RYR2: variants seen among roughly 807,000 people sequenced by gnomAD.
RYR2 encodes cardiac muscle ryanodine receptor-calcium release channel.
RYR2 carries 227 observed loss-of-function variants against 601.1 expected under a neutral mutation model. That is an observed-to-expected ratio of 0.38 (90% CI 0.34 to 0.42). The LOEUF (loss-of-function observed/expected upper bound fraction) is 0.42, where lower values mean the gene tolerates loss of function less well. Ranked by LOEUF, RYR2 falls within the 10% of genes least tolerant of loss-of-function variation. The pLI is 1.00. For synonymous variants in RYR2, 2,223 were observed against 2,175.1 expected, an observed-to-expected ratio of 1.02 and a Z score of -0.61; for missense variants, 4,646 against 6,156.5, an observed-to-expected ratio of 0.75 and a Z score of 8.21.
intron 79 of RYR2, among the ~76,000 whole-genome samples, chr1:237,737,788 T>C (rs1691277512): frequency 1.3e-5 from 2 of 152,202 alleles, no homozygotes; most frequent in Admixed American, 1.3e-4. Flanking sequence ...TTTCAATCCA[T>C]CTAAACATAC....
At position 237,469,153 on chromosome 1, in the gene RYR2, G is replaced by A. The variant is rs1324895345; in HGVS notation, c.1674G>A (p.Leu558=). 4.4e-6 allele frequency: 7 copies of A among 1,603,758 alleles called. No individual in the cohort carries two copies. The African/African-American group carries it at 8.1e-5, about 19-fold the overall frequency. Residue 558 remains leucine, a synonymous_variant, in exon 17 of 105, where the codon TTG becomes TTA. Coordinates refer to ENST00000366574, the MANE Select transcript of RYR2 (RefSeq NM_001035.3). ...CAQFSGSLDW[L]ISRLERLEAS... Reference sequence around the variant, plus strand: ...AATTTTCTGGCTCCCTCGACTGGTTGATCAGCAGATTGGAAAGACTGGAAG... The same window carrying A: ...AATTTTCTGGCTCCCTCGACTGGTTAATCAGCAGATTGGAAAGACTGGAAG...
chr1:237,410,827 A>G (rs1483037838), intron 10 of RYR2, among the ~76,000 whole-genome samples: 1 of 152,198 alleles, frequency 6.6e-6, no homozygotes, highest in African/African-American at 2.4e-5. Flanking sequence ...AGGTGACTTC[A>G]GAAGAGGATT....
chr1:237,495,035 C>T (rs1006131357), intron 19 of RYR2, among the ~76,000 whole-genome samples: 5 of 152,164 alleles, frequency 3.3e-5, no homozygotes, highest in African/African-American at 9.6e-5. Flanking sequence ...GTGATCCGCC[C>T]GCCTTAGCCT....
intron 2 of RYR2, among the ~76,000 whole-genome samples, chr1:237,281,799 T>C (rs12046077): frequency 0.3 from 45,541 of 152,068 alleles, 7,422 homozygotes; most frequent in East Asian, 0.72. Context: ...AGAATAGGGA[T>C]TGTGGTTTTG....
rs540538447 is a variant in RYR2, at chr1:237,536,885, C to CAAAAAAAAAAAAA, written c.2906+6385_2906+6386insAAAAAAAAAAAAA. ...TGGGCGACAGAGCGAGACTCCATCT[C>CAAAAAAAAAAAAA]AAAAAAAAAAGACTTGCAGAACAAT... On this transcript the variant is annotated intron_variant, in intron 25 of 104. Coordinates refer to ENST00000366574, the MANE Select transcript of RYR2 (RefSeq NM_001035.3). 1.3e-3 allele frequency among the ~76,000 whole-genome samples: 184 copies of CAAAAAAAAAAAAA among 139,470 alleles called. 1 individual carries two copies. Among genetic ancestry groups the CAAAAAAAAAAAAA allele is most frequent in the African/African-American group, 4.7e-3 (174 of 37,234 alleles). 91.5% of individuals were successfully genotyped at this position (139,470 alleles called of 152,430 possible).
chr1:237,574,074 C>T lies in RYR2; in HGVS notation c.3598+4755C>T, dbSNP rs371397098. On this transcript the variant is annotated intron_variant, in intron 29 of 104. Coordinates refer to ENST00000366574, the MANE Select transcript of RYR2 (RefSeq NM_001035.3). ...CACTAGAATTTCAGGGTTTAAAGGC[C>T]GCATTGTCTATGTGGCAGATCCTCT... Among the ~76,000 whole-genome samples the T allele has an allele frequency of 1.8e-4, 27 of 152,216 alleles. No individual in the cohort carries two copies. The East Asian group carries it at 2.3e-3, about 13-fold the overall frequency.
intron 56 of RYR2, among the ~76,000 whole-genome samples, chr1:237,663,054 AG>A (rs1683953965): frequency 6.6e-6 from 1 of 152,236 alleles, no homozygotes; most frequent in Non-Finnish European, 1.5e-5. Flanking sequence ...TTTGGCCTGT[AG>A]GTGGGAAAGA....
rs1558427813 is a variant in RYR2, at chr1:237,208,956, A to ACATATATATATATATG, written c.49-61541_49-61540insCATATATATATATATG. Among the ~76,000 whole-genome samples, 141 of 98,036 alleles carry ACATATATATATATATG rather than the reference A, an allele frequency of 1.4e-3. 3 individuals are homozygous for ACATATATATATATATG. The highest frequency in any genetic ancestry group is 4.7e-3 in the African/African-American group (137 of 28,932). 64.3% of individuals were successfully genotyped at this position (98,036 alleles called of 152,430 possible). A position where few individuals can be genotyped will look rare whatever the true frequency, so the allele number is the denominator to read the frequency against. ...TGTGTGTATATATATATATATATAT[A>ACATATATATATATATG]TATATATATATATATATATATATAT... is the stretch of plus-strand genomic sequence containing the variant. On this transcript the variant is annotated intron_variant, in intron 1 of 104. Coordinates refer to ENST00000366574, the MANE Select transcript of RYR2 (RefSeq NM_001035.3).
At chr1:237,217,639 G>A (rs1486032111) in intron 1 of RYR2, among the ~76,000 whole-genome samples, 4 of 152,154 alleles carry the variant, frequency 2.6e-5, no homozygotes, top group Admixed American at 2.0e-4. Context: ...CATGTCAGCG[G>A]TGGTGGTGAT....
chr1:237,606,956 A>G (rs1300393867), intron 35 of RYR2, among the ~76,000 whole-genome samples: 1 of 152,218 alleles, frequency 6.6e-6, no homozygotes, highest in Non-Finnish European at 1.5e-5. Context: ...AGAAATAGGA[A>G]CACTTTCACA....
chr1:237,541,722 A>G (rs946506808), intron 25 of RYR2, among the ~76,000 whole-genome samples: 7 of 152,134 alleles, frequency 4.6e-5, no homozygotes, highest in African/African-American at 1.7e-4. Flanking sequence ...ATTTGGGTAG[A>G]TAAAGGAAAA....
In RYR2 at chr1:237,608,457, C is replaced by A. The variant is rs566026233; in HGVS notation, c.4684-2305C>A. 3.3e-5 allele frequency among the ~76,000 whole-genome samples: 5 copies of A among 152,230 alleles called. No homozygotes were observed. The South Asian group carries it at 1.0e-3, about 32-fold the overall frequency. On this transcript the variant is annotated intron_variant, in intron 35 of 104. Coordinates refer to ENST00000366574, the MANE Select transcript of RYR2 (RefSeq NM_001035.3). ...GTGGCTCATGCTTGTAATCCCAGCA[C>A]TTTGGGAGGAAGGAGGAATCACTTG... is the stretch of plus-strand genomic sequence containing the variant.
intron 19 of RYR2, among the ~76,000 whole-genome samples, chr1:237,495,068 T>A (rs553946218): frequency 6.6e-6 from 1 of 152,142 alleles, no homozygotes; most frequent in African/African-American, 2.4e-5. Flanking sequence ...GGATTACAGG[T>A]GTGAGCCACT....
chr1:237,399,518 G>A (rs946995652), intron 10 of RYR2, among the ~76,000 whole-genome samples: 2 of 152,146 alleles, frequency 1.3e-5, no homozygotes, highest in African/African-American at 2.4e-5. Flanking sequence ...TGAGTGCCAT[G>A]AAGTAAAACC....
chr1:237,519,579 A>G (rs1302212245), intron 24 of RYR2, among the ~76,000 whole-genome samples: 4 of 152,074 alleles, frequency 2.6e-5, no homozygotes, highest in Admixed American at 1.3e-4. Context: ...GTGAAAGCCA[A>G]CAAATATGGC....
Position 237,120,023 on chromosome 1 carries a change from G to A in RYR2, c.48+77454G>A, listed in dbSNP as rs140516586. ...GAGGTTGTTTTAAAAAGCCGAGGTG[G>A]TACCATGTGATGTTTATTTTATGAT... On this transcript the variant is annotated intron_variant, in intron 1 of 104. Transcript: ENST00000366574. Among the ~76,000 whole-genome samples the A allele has an allele frequency of 4.5e-4, 68 of 152,248 alleles. 1 individual carries two copies. The East Asian group carries it at 0.013, about 29-fold the overall frequency.
rs568645686 is a variant in RYR2 at position 237,439,023 on chromosome 1, A to G, written c.1006-2296A>G. Among the ~76,000 whole-genome samples the G allele has an allele frequency of 9.2e-5, 14 of 152,366 alleles. 1 individual carries two copies. The highest frequency in any genetic ancestry group is 3.4e-4 in the African/African-American group (14 of 41,594). On this transcript the variant is annotated intron_variant, in intron 12 of 104. Coordinates refer to ENST00000366574, the MANE Select transcript of RYR2 (RefSeq NM_001035.3). ...CAAAATTAAGGCCATTAATATAGAT[A>G]TGGTACAGCTAATACAGAGTTTTAG...
intron 80 of RYR2, among the ~76,000 whole-genome samples, chr1:237,748,477 A>G (rs930613925): frequency 6.6e-6 from 1 of 152,168 alleles, no homozygotes; most frequent in Admixed American, 6.5e-5. Context: ...CAGGCACCAC[A>G]GTCTCTCCTT....
At chr1:237,475,695 T>C (rs750437361) in intron 17 of RYR2, among the ~76,000 whole-genome samples, 4 of 152,218 alleles carry the variant, frequency 2.6e-5, no homozygotes, top group Admixed American at 6.5e-5. Context: ...ATGTATATAA[T>C]ATAGGATGAT....
Sources: allele counts gnomAD v4.1 joint callset (sites outside exome capture counted in the v4.1 genomes callset), GRCh38; gene constraint gnomAD v4.1.1; transcripts MANE v1.5; gene names NCBI Gene and HGNC (gene_info 2026-07-23, HGNC 2026-07-21).